The following ARFIP1 variants were observed in gnomAD, a reference collection of about 807,000 sequenced individuals.
ARFIP1 encodes ARF interacting protein 1.
A neutral mutation model predicts 42.5 loss-of-function variants in ARFIP1; 24 were observed. That is an observed-to-expected ratio of 0.57 (90% confidence interval 0.41 to 0.80). ARFIP1 has a LOEUF of 0.80. Among genes scored for constraint, ARFIP1 ranks in the 30% least tolerant of loss-of-function variants. The pLI, the probability that ARFIP1 is intolerant of heterozygous loss-of-function variation, is 0.00. For synonymous variants in ARFIP1, 141 were observed against 153.7 expected, an observed-to-expected ratio of 0.92 and a Z score of 0.61; for missense variants, 354 against 434.0, an observed-to-expected ratio of 0.82 and a Z score of 1.64.
At chr4:152,803,754 T>A (rs998658953) in intron 1 of ARFIP1, among the ~76,000 whole-genome samples, 27 of 151,804 alleles carry the variant, frequency 1.8e-4, no homozygotes, top group African/African-American at 6.3e-4. Flanking sequence ...TCTCTAAGGC[T>A]CTGGGATTAG....
chr4:152,885,455 C>A (rs1736184434), intron 7 of ARFIP1, among the ~76,000 whole-genome samples: 2 of 152,078 alleles, frequency 1.3e-5, no homozygotes, highest in Admixed American at 1.3e-4. Flanking sequence ...GACACCTGTT[C>A]TCTAGAAGTT....
At chr4:152,813,743 T>G (rs56365449) in intron 1 of ARFIP1, among the ~76,000 whole-genome samples, 6,499 of 152,260 alleles carry the variant, frequency 0.043, 175 homozygotes, top group South Asian at 0.11. Context: ...ATTATAGATA[T>G]TATATCTTGA....
At chr4:152,823,501 C>T (rs1164026921) in intron 1 of ARFIP1, among the ~76,000 whole-genome samples, 1 of 152,180 alleles carries the variant, frequency 6.6e-6, no homozygotes, top group Non-Finnish European at 1.5e-5. Context: ...CCAGTTCTGG[C>T]TGGGCACAGT....
At chr4:152,804,887 T>TA (rs1356264940) in intron 1 of ARFIP1, among the ~76,000 whole-genome samples, 2 of 152,184 alleles carry the variant, frequency 1.3e-5, no homozygotes, top group Admixed American at 6.5e-5. Context: ...TGCAAGTGGA[T>TA]ACATTATTTA....
intron 7 of ARFIP1, among the ~76,000 whole-genome samples, chr4:152,883,720 G>T (rs900434590): frequency 6.6e-6 from 1 of 151,018 alleles, no homozygotes; most frequent in Admixed American, 6.6e-5. Context: ...ATATTTTGAA[G>T]GGTCTAAAAT....
chr4:152,843,082 G>A (rs984336569), intron 2 of ARFIP1, among the ~76,000 whole-genome samples: 4 of 152,090 alleles, frequency 2.6e-5, no homozygotes, highest in Admixed American at 6.6e-5. Context: ...GAAGGCTGTC[G>A]TTCAGATTTT....
chr4:152,792,919 G>A (rs1731220071), intron 1 of ARFIP1, among the ~76,000 whole-genome samples: 1 of 152,064 alleles, frequency 6.6e-6, no homozygotes, highest in Non-Finnish European at 1.5e-5. Flanking sequence ...GTAGGTCTTT[G>A]GTTCTTACAC....
At chr4:152,814,398 T>A (rs1423218379) in intron 1 of ARFIP1, among the ~76,000 whole-genome samples, 1 of 152,142 alleles carries the variant, frequency 6.6e-6, no homozygotes, top group Non-Finnish European at 1.5e-5. Context: ...CTAGCCAGTT[T>A]CTGTCTTTCA....
chr4:152,884,125 T>A (rs766522645), intron 7 of ARFIP1, among the ~76,000 whole-genome samples: 3 of 152,122 alleles, frequency 2.0e-5, no homozygotes, highest in Non-Finnish European at 2.9e-5. Flanking sequence ...CATACCATGT[T>A]TATTTTGTCA....
chr4:152,806,888 G>C (rs1018103642), intron 1 of ARFIP1, among the ~76,000 whole-genome samples: 2 of 150,532 alleles, frequency 1.3e-5, no homozygotes, highest in Admixed American at 1.3e-4. Context: ...ACCCATGCTG[G>C]AATGCAGTGG....
intron 3 of ARFIP1, among the ~76,000 whole-genome samples, chr4:152,866,222 A>T (rs1459792460): frequency 9.9e-5 from 15 of 152,226 alleles, no homozygotes; most frequent in Admixed American, 9.8e-4. Flanking sequence ...AAGGCAGAAG[A>T]ATTTTTCTTA....
intron 1 of ARFIP1, among the ~76,000 whole-genome samples, chr4:152,795,674 C>A (rs1042403136): frequency 6.6e-6 from 1 of 152,060 alleles, no homozygotes; most frequent in Non-Finnish European, 1.5e-5. Flanking sequence ...GCCTGTTTCC[C>A]TTACATCCTC....
intron 1 of ARFIP1, among the ~76,000 whole-genome samples, chr4:152,827,208 TTTCA>T (rs1166822316): frequency 6.6e-6 from 1 of 152,236 alleles, no homozygotes; most frequent in African/African-American, 2.4e-5. Flanking sequence ...GGAACAATTC[TTTCA>T]TAAGGTCATA....
chr4:152,789,678 C>T (rs1731036600), intron 1 of ARFIP1, among the ~76,000 whole-genome samples: 1 of 152,148 alleles, frequency 6.6e-6, no homozygotes, highest in African/African-American at 2.4e-5. Flanking sequence ...CAGTCTGACT[C>T]ATGGATATTT....
chr4:152,878,368 T>G (rs1250584421), intron 5 of ARFIP1, among the ~76,000 whole-genome samples: 1 of 152,244 alleles, frequency 6.6e-6, no homozygotes, highest in Non-Finnish European at 1.5e-5. Context: ...TATTTCAGTA[T>G]ATACTGGAAA....
intron 1 of ARFIP1, among the ~76,000 whole-genome samples, chr4:152,821,194 A>C (rs1000776402): frequency 1.3e-5 from 2 of 152,218 alleles, no homozygotes; most frequent in African/African-American, 2.4e-5. Flanking sequence ...TTATTAAGTC[A>C]CTGAAGGAGA....
chr4:152,815,506 G>A (rs560097698), intron 1 of ARFIP1, among the ~76,000 whole-genome samples: 9 of 152,150 alleles, frequency 5.9e-5, no homozygotes, highest in East Asian at 3.9e-4. Context: ...TACCTTCTTT[G>A]CTTGCATATA....
chr4:152,827,938 T>C (rs932756249), intron 1 of ARFIP1, among the ~76,000 whole-genome samples: 2 of 152,184 alleles, frequency 1.3e-5, no homozygotes, highest in Non-Finnish European at 2.9e-5. Flanking sequence ...CCTCCCAAAA[T>C]GTTGGGATTA....
chr4:152,891,291 T>C (rs1231795758), intron 8 of ARFIP1, among the ~76,000 whole-genome samples: 1 of 152,222 alleles, frequency 6.6e-6, no homozygotes, highest in Non-Finnish European at 1.5e-5. Flanking sequence ...CAAGGTTAAG[T>C]TTGAATTTGA....
Sources: gnomAD v4.1 joint callset for allele counts (sites outside exome capture counted in the v4.1 genomes callset) on GRCh38, gnomAD v4.1.1 for gene constraint, MANE v1.5 for transcripts, NCBI Gene and HGNC (gene_info 2026-07-23, HGNC 2026-07-21) for gene names.